CSNK1D: variants seen among roughly 807,000 people sequenced by gnomAD.
CSNK1D encodes the protein casein kinase 1 delta, also known as casein kinase I isoform delta.
Under a neutral mutation model 46.6 loss-of-function variants are expected in CSNK1D, and 16 were observed. The ratio of observed to expected loss-of-function variants is 0.34; its 90% confidence interval spans 0.23 to 0.52. The LOEUF is 0.52. Ranked by LOEUF, CSNK1D falls within the 20% of genes least tolerant of loss-of-function variation. CSNK1D has a pLI of 0.95. For missense variants in CSNK1D, 398 were observed against 578.4 expected, an observed-to-expected ratio of 0.69 and a Z score of 3.20; for synonymous variants, 276 against 228.2, an observed-to-expected ratio of 1.21 and a Z score of -1.89.
rs1005332981 is a variant in CSNK1D, at chr17:82,250,432, C to T, written c.886-830G>A. On this transcript the variant is annotated intron_variant, in intron 6 of 8. Coordinates refer to ENST00000314028, the MANE Select transcript of CSNK1D (RefSeq NM_001893.6). The surrounding 1 kb of genome is among the most constrained non-coding windows in gnomAD (Gnocchi z 4.6). ...CTCTGAGGGCCGGGTGACTCTAATG[C>T]CGCAGGAGGGTCGCTCTGATTCCTC... 6 of 346,244 alleles carry T rather than the reference C, an allele frequency of 1.7e-5. No individual in the cohort carries two copies. The highest frequency in any genetic ancestry group is 2.9e-5 in the Non-Finnish European group (5 of 174,204). The allele number at this position is 346,244 out of a possible 1,614,324, so 21.4% of individuals were successfully genotyped here.
chr17:82,246,400 C>T (rs2050850748), intron 8 of CSNK1D: 6 of 1,227,880 alleles, frequency 4.9e-6, no homozygotes, highest in Non-Finnish European at 6.2e-6. Flanking sequence ...GACGCACATC[C>T]TCGCCGGTAC....
In CSNK1D at chr17:82,269,870, G is replaced by A. The variant is rs191585681; in HGVS notation, c.76+3436C>T. 3.3e-5 allele frequency among the ~76,000 whole-genome samples: 5 copies of A among 152,366 alleles called. No individual in the cohort carries two copies. The East Asian group carries it at 9.6e-4, about 29-fold the overall frequency. The stretch of plus-strand genomic sequence containing the variant: ...TGTGGTTCTGGGGCTGGGAACTCAT[G>A]GTCCACATTAAGGACACTGGCTGTT... On this transcript the variant is annotated intron_variant, in intron 1 of 8. Coordinates refer to ENST00000314028, the MANE Select transcript of CSNK1D (RefSeq NM_001893.6).
intron 1 of CSNK1D, among the ~76,000 whole-genome samples, chr17:82,269,096 T>TAAAAA (rs766007194): frequency 1.9e-5 from 2 of 105,374 alleles, no homozygotes; most frequent in Non-Finnish European, 1.9e-5. Flanking sequence ...TACTTTGTCT[T>TAAAAA]AAAAAAAAAA....
At position 82,255,405 on chromosome 17, in the gene CSNK1D, C is replaced by G; in HGVS notation, c.336+24G>C. ...ATTCTATCAGACAGCAAGTGTGTGC[C>G]AACTGTCAGGAAACAGTCCTTACCA... On this transcript the variant is annotated intron_variant, in intron 3 of 8. Transcript: ENST00000314028. The surrounding 1 kb of genome is among the most constrained non-coding windows in gnomAD (Gnocchi z 5.9). The G allele has an allele frequency of 1.2e-6, 2 of 1,613,886 alleles. No homozygotes were observed. Among genetic ancestry groups the G allele is most frequent in the Non-Finnish European group, 1.7e-6 (2 of 1,179,796 alleles).
At chr17:82,266,545 G>A (rs1432705192) in intron 1 of CSNK1D, among the ~76,000 whole-genome samples, 2 of 152,162 alleles carry the variant, frequency 1.3e-5, no homozygotes, top group African/African-American at 4.8e-5. Context: ...ATCTAGAAAT[G>A]TTCCATCTCT....
chr17:82,242,091 C>T (rs1317071011), downstream of CSNK1D, among the ~76,000 whole-genome samples: 7 of 151,912 alleles, frequency 4.6e-5, no homozygotes, highest in Non-Finnish European at 1.0e-4. Context: ...GGAGGGGAGG[C>T]GGCCTAGCCT....
intron 2 of CSNK1D, among the ~76,000 whole-genome samples, chr17:82,256,388 C>G (rs1372227966): frequency 6.6e-6 from 1 of 151,914 alleles, no homozygotes; most frequent in African/African-American, 2.4e-5. Flanking sequence ...TGGCACGCTT[C>G]TGTGGTCCCA....
chr17:82,239,853 A>G (rs113940765), downstream of CSNK1D: 189 of 511,256 alleles, frequency 3.7e-4, 1 homozygote, highest in African/African-American at 3.3e-3. Flanking sequence ...TGGTCTTTGC[A>G]CCCTGTCCTC....
Position 82,266,003 on chromosome 17 carries a change from T to C in CSNK1D, c.77-207A>G, listed in dbSNP as rs145555278. ...TTCCCATTTTCACAACAGGACGAAT[T>C]TGAACTGCACAGAAAGTTTATGTGG... On this transcript the variant is annotated intron_variant, in intron 1 of 8. Transcript: ENST00000314028. Among the ~76,000 whole-genome samples the C allele has an allele frequency of 1.3e-4, 20 of 152,292 alleles. No homozygotes were observed. In the East Asian group the frequency reaches 1.3e-3, roughly 10 times the overall value.
rs2050770135 is a variant in CSNK1D at position 82,243,176 on chromosome 17, C to CG, written c.*1604dup. ...GAAAGCATCCATGGGCTCAGGCAGA[C>CG]GGCCAGCCAGCTGGTGGGGGGGTGA... is the stretch of plus-strand genomic sequence containing the variant. On this transcript the variant is annotated 3_prime_UTR_variant, in exon 9 of 9. Transcript: ENST00000314028. 1.0e-6 allele frequency: 1 copy of CG among 985,508 alleles called. No homozygotes were observed. Among genetic ancestry groups the CG allele is most frequent in the African/African-American group, 1.7e-5 (1 of 57,234 alleles). The allele number at this position is 985,508 out of a possible 1,614,324, so 61.0% of individuals were successfully genotyped here. A position where few individuals can be genotyped will look rare whatever the true frequency, so the allele number is the denominator to read the frequency against.
intron 2 of CSNK1D, among the ~76,000 whole-genome samples, chr17:82,256,658 T>G (rs977511183): frequency 1.3e-5 from 2 of 152,196 alleles, no homozygotes; most frequent in African/African-American, 4.8e-5. Context: ...CACAGGAATG[T>G]GCACCGCAGC....
In CSNK1D at chr17:82,255,090, G is replaced by C. The variant is rs1015333440; in HGVS notation, c.336+339C>G. The C allele has an allele frequency of 5.2e-6, 2 of 382,618 alleles. No homozygotes were observed. The highest frequency in any genetic ancestry group is 9.8e-6 in the Non-Finnish European group (2 of 203,744). 23.7% of individuals were successfully genotyped at this position (382,618 alleles called of 1,614,324 possible). ...CGGAGCCTCGAGAAGCCAGTGAGCT[G>C]GGCCGCCGGAGCCTCGAGAAGCCAG... On this transcript the variant is annotated intron_variant, in intron 3 of 8. Coordinates refer to ENST00000314028, the MANE Select transcript of CSNK1D (RefSeq NM_001893.6). This position sits in a 1 kb window ranked among gnomAD's most constrained non-coding sequence, Gnocchi z 5.9.
downstream of CSNK1D, chr17:82,240,061 C>T: frequency 8.1e-6 from 10 of 1,233,796 alleles, no homozygotes; most frequent in Non-Finnish European, 1.0e-5. Context: ...GTCCCTGCTC[C>T]TCTGCAATGA....
chr17:82,255,341 G>T lies in CSNK1D; in HGVS notation c.336+88C>A. ...ATTTCCATTTCCTCTGTGAATTAAT[G>T]GCCATAATAATGGCAAGAACAGCAC... On this transcript the variant is annotated intron_variant, in intron 3 of 8. Coordinates refer to ENST00000314028, the MANE Select transcript of CSNK1D (RefSeq NM_001893.6). This position sits in a 1 kb window ranked among gnomAD's most constrained non-coding sequence, Gnocchi z 5.9. The T allele has an allele frequency of 6.9e-7, 1 of 1,444,018 alleles. No homozygotes were observed. The highest frequency in any genetic ancestry group is 9.7e-7 in the Non-Finnish European group (1 of 1,026,034). 89.5% of individuals were successfully genotyped at this position (1,444,018 alleles called of 1,614,324 possible).
At chr17:82,239,940 C>G (rs112707206), downstream of CSNK1D, 3 of 1,187,860 alleles carry the variant, frequency 2.5e-6, no homozygotes, top group Admixed American at 4.2e-5. Context: ...CAGTGGCCTG[C>G]GTGGCTGGGA....
Position 82,243,832 on chromosome 17 carries a change from C to T in CSNK1D, c.*949G>A. 1 of 985,584 alleles carries T rather than the reference C, an allele frequency of 1.0e-6. No individual in the cohort carries two copies. Among genetic ancestry groups the T allele is most frequent in the Non-Finnish European group, 1.2e-6 (1 of 830,018 alleles). The allele number at this position is 985,584 out of a possible 1,614,324, so 61.1% of individuals were successfully genotyped here. On this transcript the variant is annotated 3_prime_UTR_variant, in exon 9 of 9. Transcript: ENST00000314028. The stretch of plus-strand genomic sequence containing the variant: ...GCAACAAACACTACAGTAACCACCT[C>T]TCGGTTCACAGTCCTCTCCCAAGGG...
Position 82,255,074 on chromosome 17 carries a change from G to C in CSNK1D, c.336+355C>G, listed in dbSNP as rs1020277564. The C allele has an allele frequency of 4.7e-5, 17 of 361,286 alleles. No homozygotes were observed. Among genetic ancestry groups the C allele is most frequent in the East Asian group, 3.7e-4 (5 of 13,530 alleles). 22.4% of individuals were successfully genotyped at this position (361,286 alleles called of 1,614,324 possible). A position where few individuals can be genotyped will look rare whatever the true frequency, so the allele number is the denominator to read the frequency against. On this transcript the variant is annotated intron_variant, in intron 3 of 8. Coordinates refer to ENST00000314028, the MANE Select transcript of CSNK1D (RefSeq NM_001893.6). This position sits in a 1 kb window ranked among gnomAD's most constrained non-coding sequence, Gnocchi z 5.9. ...CAGTGAGCTGAGCCGCCGGAGCCTCGAGAAGCCAGTGAGCTGGGCCGCCGG... is the reference window on the plus strand; with the variant it reads ...CAGTGAGCTGAGCCGCCGGAGCCTCCAGAAGCCAGTGAGCTGGGCCGCCGG...
Position 82,251,403 on chromosome 17 carries a change from C to T in CSNK1D, c.861G>A (p.Val287=), listed in dbSNP as rs1232949987. Residue 287 remains valine, a synonymous_variant, in exon 6 of 9, where the codon GTG becomes GTA. Coordinates refer to ENST00000314028, the MANE Select transcript of CSNK1D (RefSeq NM_001893.6). This position sits in a 1 kb window ranked among gnomAD's most constrained non-coding sequence, Gnocchi z 4.5. Reference sequence around the variant, plus strand: ...CAAATTTGAGCATGTTCCAGTCGAACACGTAGTCATAGGAGAAGCCCTGGC... The same window carrying T: ...CAAATTTGAGCATGTTCCAGTCGAATACGTAGTCATAGGAGAAGCCCTGGC... The part of the protein sequence containing the change: ...FHRQGFSYDY[V]FDWNMLKFGA... The T allele has an allele frequency of 6.2e-7, 1 of 1,614,168 alleles. No individual in the cohort carries two copies. The highest frequency in any genetic ancestry group is 8.5e-7 in the Non-Finnish European group (1 of 1,180,034).
At chr17:82,240,423 GAC>G (rs1568545319), downstream of CSNK1D, among the ~76,000 whole-genome samples, 1 of 152,212 alleles carries the variant, frequency 6.6e-6, no homozygotes, top group Non-Finnish European at 1.5e-5. Flanking sequence ...GCCACCAGGG[GAC>G]TGCTCACACC....
Sources: allele counts gnomAD v4.1 joint callset (sites outside exome capture counted in the v4.1 genomes callset), GRCh38; gene constraint gnomAD v4.1.1; non-coding constraint Gnocchi (gnomAD v3.1); transcripts MANE v1.5; gene names NCBI Gene and HGNC (gene_info 2026-07-23, HGNC 2026-07-21).